THSD4: variants seen among roughly 807,000 people sequenced by gnomAD.
THSD4 encodes the protein thrombospondin type-1 domain-containing protein 4.
A neutral mutation model predicts 119.0 loss-of-function variants in THSD4; 69 were observed. That is an observed-to-expected ratio of 0.58 (90% CI 0.48 to 0.71). THSD4 has a LOEUF of 0.71. THSD4 is among the 30% of genes least tolerant of loss of function. The pLI, the probability that THSD4 is intolerant of heterozygous loss-of-function variation, is 0.00. For missense variants in THSD4, 1,393 were observed against 1,391.1 expected (o/e 1.00, Z -0.02); for synonymous variants, 524 against 540.4 (o/e 0.97, Z 0.42).
At chr15:71,730,187 A>G (rs2052948122) in intron 9 of THSD4, 1 of 152,248 alleles carries the variant, frequency 6.6e-6, no homozygotes. Flanking sequence ...GAAGAAATCA[A>G]AAACTGCAGG....
chr15:71,474,423 A>G (rs927440198), intron 7 of THSD4, among the ~76,000 whole-genome samples: 1 of 151,740 alleles, frequency 6.6e-6, no homozygotes, highest in African/African-American at 2.4e-5. Context: ...GAGTTTCACC[A>G]TCTTGGCCAG....
intron 17 of THSD4, among the ~76,000 whole-genome samples, chr15:71,772,421 A>G (rs1347966356): frequency 6.6e-6 from 1 of 152,232 alleles, no homozygotes; most frequent in Non-Finnish European, 1.5e-5. Flanking sequence ...TATAAGATCT[A>G]TATAGAAAAA....
intron 7 of THSD4, among the ~76,000 whole-genome samples, chr15:71,548,632 G>A (rs2048877264): frequency 6.6e-6 from 1 of 152,188 alleles, no homozygotes; most frequent in South Asian, 2.1e-4. Flanking sequence ...ACATTTTCTG[G>A]GCCTGTGGGG....
chr15:71,181,766 T>C (rs990470370), intron 3 of THSD4, among the ~76,000 whole-genome samples: 2 of 152,222 alleles, frequency 1.3e-5, no homozygotes, highest in Non-Finnish European at 2.9e-5. Flanking sequence ...AGTGTTAACC[T>C]GGTGACAGGA....
chr15:71,592,825 A>G (rs955899146), intron 7 of THSD4, among the ~76,000 whole-genome samples: 1 of 152,074 alleles, frequency 6.6e-6, no homozygotes, highest in Non-Finnish European at 1.5e-5. Context: ...GAGGAGTAAC[A>G]TTTAGCAAGC....
At chr15:71,536,617 T>A (rs1462690294) in intron 7 of THSD4, among the ~76,000 whole-genome samples, 1 of 152,180 alleles carries the variant, frequency 6.6e-6, no homozygotes, top group African/African-American at 2.4e-5. Context: ...TTGTATATAT[T>A]TATGGTGTGC....
At chr15:71,214,910 T>C (rs547495660) in intron 3 of THSD4, 125 bp from the exon 4 acceptor site, 1 of 1,195,838 alleles carries the variant, frequency 8.4e-7, no homozygotes, top group Admixed American at 4.5e-5. Flanking sequence ...TGGATTGTAT[T>C]AATACTTATC....
intron 6 of THSD4, among the ~76,000 whole-genome samples, chr15:71,368,593 G>A (rs2046000075): frequency 6.6e-6 from 1 of 152,194 alleles, no homozygotes; most frequent in Admixed American, 6.5e-5. Context: ...TCAGATGGTT[G>A]TAGGTGTGTG....
At chr15:71,652,790 G>A (rs1213454677) in intron 7 of THSD4, among the ~76,000 whole-genome samples, 3 of 152,162 alleles carry the variant, frequency 2.0e-5, no homozygotes, top group African/African-American at 4.8e-5. Flanking sequence ...CCATAAGCTT[G>A]ATTAAAACCA....
chr15:71,287,207 G>A (rs1425672817), intron 6 of THSD4, among the ~76,000 whole-genome samples: 1 of 152,208 alleles, frequency 6.6e-6, no homozygotes, highest in Non-Finnish European at 1.5e-5. Context: ...AAGTACAGGA[G>A]TAGACTTTTG....
At chr15:71,725,858 C>A (rs1310065414) in intron 8 of THSD4, among the ~76,000 whole-genome samples, 2 of 151,900 alleles carry the variant, frequency 1.3e-5, no homozygotes, top group African/African-American at 4.8e-5. Context: ...CTTGGCTCAC[C>A]ACAACCTCCA....
At chr15:71,326,579 CAGG>C (rs2045340943) in intron 6 of THSD4, among the ~76,000 whole-genome samples, 2 of 140,064 alleles carry the variant, frequency 1.4e-5, no homozygotes, top group African/African-American at 5.3e-5. Flanking sequence ...CAGGATGAGG[CAGG>C]AGAATTGTTT....
chr15:71,711,499 C>G (rs989314346), intron 8 of THSD4, among the ~76,000 whole-genome samples: 15 of 150,790 alleles, frequency 9.9e-5, no homozygotes, highest in Non-Finnish European at 1.6e-4. Flanking sequence ...GAAAATTATG[C>G]AAGTACAAAA....
At chr15:71,747,612 G>C (rs924465430) in intron 13 of THSD4, among the ~76,000 whole-genome samples, 3 of 152,140 alleles carry the variant, frequency 2.0e-5, no homozygotes, top group African/African-American at 7.2e-5. Flanking sequence ...TCATTGGAGG[G>C]TACAGCACAG....
intron 16 of THSD4, among the ~76,000 whole-genome samples, chr15:71,765,744 A>AT (rs1292556234): frequency 6.6e-6 from 1 of 151,634 alleles, no homozygotes; most frequent in East Asian, 2.0e-4. Flanking sequence ...TCTGAAAAAC[A>AT]TTTTTTTTAA....
chr15:71,142,811 T>A (rs2040617854), intron 2 of THSD4, among the ~76,000 whole-genome samples: 1 of 152,256 alleles, frequency 6.6e-6, no homozygotes, highest in Non-Finnish European at 1.5e-5. Flanking sequence ...TGAATCATTA[T>A]GATATCTTGT....
intron 7 of THSD4, among the ~76,000 whole-genome samples, chr15:71,427,634 T>C (rs1036747912): frequency 6.7e-6 from 1 of 148,810 alleles, no homozygotes; most frequent in African/African-American, 2.5e-5. Flanking sequence ...AGGATAGAAG[T>C]TGAGGTGACC....
intron 7 of THSD4, among the ~76,000 whole-genome samples, chr15:71,632,461 G>A (rs2140947369): frequency 6.6e-6 from 1 of 152,324 alleles, no homozygotes; most frequent in East Asian, 1.9e-4. Flanking sequence ...AAAGCCAAAA[G>A]CCCTATGGCC....
At chr15:71,109,563 A>T (rs1409888787) in intron 1 of THSD4, among the ~76,000 whole-genome samples, 2 of 152,000 alleles carry the variant, frequency 1.3e-5, no homozygotes, top group African/African-American at 4.8e-5. Flanking sequence ...TCCATAGGGG[A>T]GGCGACTGCA....
Sources: gnomAD v4.1 joint callset for allele counts (sites outside exome capture counted in the v4.1 genomes callset) on GRCh38, gnomAD v4.1.1 for gene constraint, MANE v1.5 for transcripts, NCBI Gene and HGNC (gene_info 2026-07-23, HGNC 2026-07-21) for gene names.